Variants in SDK1 observed in about 807,000 individuals in gnomAD.
The protein encoded by SDK1 is protein sidekick-1.
SDK1 carries 157 observed loss-of-function variants against 245.5 expected under a neutral mutation model. The observed-to-expected ratio is 0.64, with a 90% CI of 0.56 to 0.73. The LOEUF (loss-of-function observed/expected upper bound fraction) is 0.73. Among genes scored for constraint, SDK1 ranks in the 30% least tolerant of loss-of-function variants. SDK1 has a pLI of 0.00. For missense variants in SDK1, 3,583 were observed against 3,002.3 expected (o/e 1.19, Z -4.52); for synonymous variants, 1,647 against 1,278.5 (o/e 1.29, Z -6.15).
At chr7:3,863,035 C>G (rs1221849326) in intron 5 of SDK1, among the ~76,000 whole-genome samples, 1 of 152,192 alleles carries the variant, frequency 6.6e-6, no homozygotes, top group African/African-American at 2.4e-5. Context: ...ATCCCAGTTC[C>G]TAAGAGGCCT....
At chr7:4,239,566 G>C (rs1786393389) in intron 42 of SDK1, among the ~76,000 whole-genome samples, 1 of 152,186 alleles carries the variant, frequency 6.6e-6, no homozygotes, top group African/African-American at 2.4e-5. Flanking sequence ...GTTTCACCAT[G>C]TTGGCCAGGC....
At chr7:3,337,782 C>G (rs990675110) in intron 1 of SDK1, 7 of 152,174 alleles carry the variant, frequency 4.6e-5, no homozygotes, top group Non-Finnish European at 7.3e-5. Context: ...ACCACCAATT[C>G]TATATGCAAC....
At chr7:3,802,451 C>G (rs534496101) in intron 4 of SDK1, among the ~76,000 whole-genome samples, 2 of 152,184 alleles carry the variant, frequency 1.3e-5, no homozygotes, top group African/African-American at 4.8e-5. Context: ...GGGAGGATCA[C>G]TTGAACCAGG....
At chr7:3,335,412 G>C (rs1046505253) in intron 1 of SDK1, among the ~76,000 whole-genome samples, 3 of 139,762 alleles carry the variant, frequency 2.1e-5, no homozygotes, top group Non-Finnish European at 4.6e-5. Flanking sequence ...ATACATAATG[G>C]TACTTATCTT....
chr7:3,488,000 T>C (rs1420673202), intron 1 of SDK1, among the ~76,000 whole-genome samples: 1 of 152,202 alleles, frequency 6.6e-6, no homozygotes, highest in Non-Finnish European at 1.5e-5. Flanking sequence ...ACTCCTACTT[T>C]TGCAATTTGT....
At chr7:3,693,640 G>T (rs1412438655) in intron 4 of SDK1, among the ~76,000 whole-genome samples, 1 of 151,652 alleles carries the variant, frequency 6.6e-6, no homozygotes, top group Non-Finnish European at 1.5e-5. Context: ...TCTTTTTATT[G>T]TTTTTTTCTG....
At chr7:4,022,359 T>C (rs566923420) in intron 17 of SDK1, among the ~76,000 whole-genome samples, 56 of 152,208 alleles carry the variant, frequency 3.7e-4, no homozygotes, top group African/African-American at 1.2e-3. Context: ...TCCGGGGAAA[T>C]GAGATGTAAT....
In SDK1 at chr7:4,265,568, T is replaced by C; in HGVS notation, c.*184T>C. 1 of 1,344,442 alleles carries C rather than the reference T, an allele frequency of 7.4e-7. No individual in the cohort carries two copies. Among genetic ancestry groups the C allele is most frequent in the Non-Finnish European group, 9.5e-7 (1 of 1,057,264 alleles). The allele number at this position is 1,344,442 out of a possible 1,614,324, so 83.3% of individuals were successfully genotyped here. A position where few individuals can be genotyped will look rare whatever the true frequency, so the allele number is the denominator to read the frequency against. ...ATTAGGAAGGTTTTTTTAAACGGCT[T>C]TTTGTAACTTCGCTGCAGGAAGCAG... On this transcript the variant is annotated 3_prime_UTR_variant, in exon 45 of 45. Coordinates refer to ENST00000404826, the MANE Select transcript of SDK1 (RefSeq NM_152744.4).
At chr7:3,893,454 C>T (rs890745600) in intron 5 of SDK1, among the ~76,000 whole-genome samples, 3 of 152,036 alleles carry the variant, frequency 2.0e-5, no homozygotes, top group South Asian at 2.1e-4. Context: ...TGCATGCAAA[C>T]TCAAGTAGCT....
intron 5 of SDK1, among the ~76,000 whole-genome samples, chr7:3,896,135 A>G (rs1781599141): frequency 6.6e-6 from 1 of 152,166 alleles, no homozygotes; most frequent in Non-Finnish European, 1.5e-5. Context: ...CTGATTTTCT[A>G]AGTTTTAAAG....
At chr7:4,029,437 T>C (rs757536698) in intron 17 of SDK1, among the ~76,000 whole-genome samples, 19 of 152,068 alleles carry the variant, frequency 1.2e-4, no homozygotes, top group Non-Finnish European at 2.6e-4. Context: ...TCTTGAACTT[T>C]TGACCTCAAG....
chr7:3,551,672 A>T (rs1283641865), intron 1 of SDK1, among the ~76,000 whole-genome samples: 1 of 151,994 alleles, frequency 6.6e-6, no homozygotes, highest in Non-Finnish European at 1.5e-5. Context: ...TACAGCAGAA[A>T]ACTTGTAAAG....
chr7:4,109,784 G>T (rs1158812868), intron 22 of SDK1, among the ~76,000 whole-genome samples: 2 of 152,194 alleles, frequency 1.3e-5, no homozygotes, highest in Admixed American at 1.3e-4. Context: ...CAGTAGAAGC[G>T]GCACTGGCAC....
chr7:3,365,584 C>T (rs1205177365), intron 1 of SDK1, among the ~76,000 whole-genome samples: 1 of 152,120 alleles, frequency 6.6e-6, no homozygotes, highest in Non-Finnish European at 1.5e-5. Context: ...CTTTATCTTA[C>T]TATACACATA....
intron 1 of SDK1, among the ~76,000 whole-genome samples, chr7:3,526,526 C>G (rs964601917): frequency 4.6e-5 from 7 of 152,012 alleles, no homozygotes; most frequent in African/African-American, 1.4e-4. Flanking sequence ...GTGAGTGTGT[C>G]TCTGAATTTT....
chr7:4,096,174 C>A (rs963083876), intron 22 of SDK1, among the ~76,000 whole-genome samples: 2 of 152,140 alleles, frequency 1.3e-5, no homozygotes, highest in Non-Finnish European at 2.9e-5. Flanking sequence ...CTTAGAAATC[C>A]CAGAGTCTCC....
intron 4 of SDK1, among the ~76,000 whole-genome samples, chr7:3,817,342 A>G (rs961412550): frequency 1.3e-5 from 2 of 152,142 alleles, no homozygotes; most frequent in African/African-American, 2.4e-5. Context: ...TCGAAGCTCT[A>G]TGGGACATGA....
intron 19 of SDK1, among the ~76,000 whole-genome samples, chr7:4,062,903 C>T (rs1261790607): frequency 6.6e-6 from 1 of 152,138 alleles, no homozygotes; most frequent in Non-Finnish European, 1.5e-5. Context: ...TAAAATTTAA[C>T]ATCCCTTTAT....
At chr7:4,067,749 C>G in intron 19 of SDK1, 89 bp from the exon 20 acceptor site, 1 of 913,888 alleles carries the variant, frequency 1.1e-6, no homozygotes, top group Non-Finnish European at 1.7e-6. Flanking sequence ...TCACCACTTT[C>G]CTTCCATAGT....
Sources: allele counts gnomAD v4.1 joint callset (sites outside exome capture counted in the v4.1 genomes callset), GRCh38; gene constraint gnomAD v4.1.1; transcripts MANE v1.5; gene names NCBI Gene and HGNC (gene_info 2026-07-23, HGNC 2026-07-21).